Variants in DENND1B observed in about 807,000 individuals in gnomAD.
DENND1B encodes DENN domain-containing protein 1B.
Under a neutral mutation model 90.1 loss-of-function variants are expected in DENND1B, and 59 were observed. The ratio of observed to expected loss-of-function variants is 0.65; its 90% CI spans 0.53 to 0.81. The LOEUF is 0.81. Ranked by LOEUF, DENND1B falls within the 40% of genes least tolerant of loss-of-function variation. The pLI, the probability that DENND1B is intolerant of heterozygous loss-of-function variation, is 0.00. For missense variants in DENND1B, 862 were observed against 912.6 expected (o/e 0.94, Z 0.71); for synonymous variants, 337 against 324.6 (o/e 1.04, Z -0.41).
chr1:197,670,736 T>G lies in DENND1B; in HGVS notation c.296+1301A>C, dbSNP rs999335519. On this transcript the variant is annotated intron_variant, in intron 5 of 22. Transcript: ENST00000620048. ...CATAAAGATATACTCCCCTTTAAACTGTAGCTTTTAAAATTTCAGCAGGAA... is the reference window on the plus strand; with the variant it reads ...CATAAAGATATACTCCCCTTTAAACGGTAGCTTTTAAAATTTCAGCAGGAA... Among the ~76,000 whole-genome samples the G allele has an allele frequency of 2.6e-5, 4 of 151,970 alleles. No homozygotes were observed. The South Asian group carries it at 6.2e-4, about 24-fold the overall frequency.
intron 3 of DENND1B, among the ~76,000 whole-genome samples, chr1:197,707,266 G>A (rs1659637564): frequency 6.6e-6 from 1 of 152,106 alleles, no homozygotes. Context: ...AGGGCAGGCA[G>A]GGGCTTGGGG....
intron 18 of DENND1B, 55 bp from the exon 19 acceptor site, chr1:197,541,070 G>A: frequency 6.9e-7 from 1 of 1,446,694 alleles, no homozygotes; most frequent in Non-Finnish European, 9.6e-7. Flanking sequence ...ACCATTTAAA[G>A]AATAAGTATA....
chr1:197,707,607 A>G (rs535924891), intron 3 of DENND1B, among the ~76,000 whole-genome samples: 1 of 144,918 alleles, frequency 6.9e-6, no homozygotes, highest in Non-Finnish European at 1.5e-5. Flanking sequence ...TTATATACAT[A>G]TATATACATA....
At chr1:197,627,327 AC>A in intron 10 of DENND1B, among the ~76,000 whole-genome samples, 1 of 152,288 alleles carries the variant, frequency 6.6e-6, no homozygotes, top group East Asian at 1.9e-4. Flanking sequence ...AAGCTTATCC[AC>A]CATGATCAAG....
chr1:197,658,275 TA>T, intron 6 of DENND1B, 24 bp downstream of exon 6: 1 of 1,578,450 alleles, frequency 6.3e-7, no homozygotes, highest in South Asian at 1.1e-5. Context: ...TACCACAATT[TA>T]AAAATGGGGA....
intron 3 of DENND1B, among the ~76,000 whole-genome samples, chr1:197,707,453 T>C (rs986434378): frequency 6.6e-6 from 1 of 151,600 alleles, no homozygotes; most frequent in Non-Finnish European, 1.5e-5. Context: ...ATGATAAAAG[T>C]TTGAGGTGAT....
chr1:197,705,089 A>C (rs1447275045), intron 3 of DENND1B, among the ~76,000 whole-genome samples: 1 of 152,238 alleles, frequency 6.6e-6, no homozygotes, highest in Non-Finnish European at 1.5e-5. Flanking sequence ...AGAGCTTTTT[A>C]AGATTATAAT....
At chr1:197,730,617 T>C (rs1662060803) in intron 2 of DENND1B, among the ~76,000 whole-genome samples, 1 of 152,130 alleles carries the variant, frequency 6.6e-6, no homozygotes, top group Non-Finnish European at 1.5e-5. Flanking sequence ...GTTAATCACA[T>C]GTTTAAAGTA....
At chr1:197,549,065 T>C (rs1314187631) in intron 16 of DENND1B, among the ~76,000 whole-genome samples, 1 of 152,162 alleles carries the variant, frequency 6.6e-6, no homozygotes, top group Non-Finnish European at 1.5e-5. Flanking sequence ...ATTTGAATGC[T>C]AAAGAAATCC....
chr1:197,521,947 C>T (rs1279527019), intron 20 of DENND1B, among the ~76,000 whole-genome samples: 1 of 151,920 alleles, frequency 6.6e-6, no homozygotes, highest in African/African-American at 2.4e-5. Context: ...TCATAAGTGA[C>T]AGAATGTGAC....
At chr1:197,518,254 T>A (rs1361941399) in intron 20 of DENND1B, among the ~76,000 whole-genome samples, 1 of 151,976 alleles carries the variant, frequency 6.6e-6, no homozygotes, top group Non-Finnish European at 1.5e-5. Context: ...TGTAGTGCTC[T>A]GCATCTTTCA....
intron 1 of DENND1B, among the ~76,000 whole-genome samples, chr1:197,773,191 TC>T (rs1656840093): frequency 6.6e-6 from 1 of 152,222 alleles, no homozygotes; most frequent in African/African-American, 2.4e-5. Context: ...AGGTGCCTTG[TC>T]CACTTCACAG....
chr1:197,604,520 C>T (rs1676500361), intron 13 of DENND1B, among the ~76,000 whole-genome samples: 1 of 151,250 alleles, frequency 6.6e-6, no homozygotes, highest in South Asian at 2.1e-4. Context: ...ACTGTGACCA[C>T]TGACCTTTGA....
chr1:197,520,711 C>T (rs1405986180), intron 20 of DENND1B, among the ~76,000 whole-genome samples: 1 of 151,750 alleles, frequency 6.6e-6, no homozygotes, highest in East Asian at 1.9e-4. Flanking sequence ...TAAAATACAT[C>T]ATGAGAAAAC....
chr1:197,675,094 AAGTC>A (rs1655919404), intron 3 of DENND1B, among the ~76,000 whole-genome samples: 1 of 152,146 alleles, frequency 6.6e-6, no homozygotes, highest in Non-Finnish European at 1.5e-5. Context: ...TACAACTTCA[AAGTC>A]AGGCAATTTT....
intron 10 of DENND1B, among the ~76,000 whole-genome samples, chr1:197,637,010 C>A (rs904216231): frequency 1.3e-5 from 2 of 151,436 alleles, no homozygotes; most frequent in Admixed American, 1.3e-4. Context: ...GAAAAACTTG[C>A]CTAACTGTAA....
At chr1:197,511,568 A>G (rs1445125497) in intron 22 of DENND1B, among the ~76,000 whole-genome samples, 160 bp downstream of exon 22, 1 of 151,796 alleles carries the variant, frequency 6.6e-6, no homozygotes, top group Non-Finnish European at 1.5e-5. Context: ...AATAATAGAA[A>G]TAATTTCTAG....
At chr1:197,614,707 A>C (rs2125855740) in intron 11 of DENND1B, among the ~76,000 whole-genome samples, 1 of 151,048 alleles carries the variant, frequency 6.6e-6, no homozygotes, top group African/African-American at 2.4e-5. Context: ...CTATAACAGC[A>C]GTCTATTGGG....
At chr1:197,670,494 G>A (rs1655394449) in intron 5 of DENND1B, among the ~76,000 whole-genome samples, 1 of 54,888 alleles carries the variant, frequency 1.8e-5, no homozygotes, top group Non-Finnish European at 3.9e-5. Context: ...TATTGAGAGA[G>A]AAAGGAAGAG....
Sources: allele counts gnomAD v4.1 joint callset (sites outside exome capture counted in the v4.1 genomes callset), GRCh38; gene constraint gnomAD v4.1.1; transcripts MANE v1.5; gene names NCBI Gene and HGNC (gene_info 2026-07-23, HGNC 2026-07-21).